LCORL: variants seen among roughly 807,000 people sequenced by gnomAD.
LCORL encodes the protein ligand dependent nuclear receptor corepressor like, also known as ligand-dependent nuclear receptor corepressor-like protein.
Under a neutral mutation model 141.8 loss-of-function variants are expected in LCORL, and 41 were observed. That is an observed-to-expected ratio of 0.29 (90% CI 0.23 to 0.38). The LOEUF is 0.38. LCORL is among the 10% of genes least tolerant of loss of function. The pLI, the probability that LCORL is intolerant of heterozygous loss-of-function variation, is 1.00. For missense variants in LCORL, 1,759 were observed against 2,035.0 expected, an observed-to-expected ratio of 0.86 and a Z score of 2.61; for synonymous variants, 618 against 694.1, an observed-to-expected ratio of 0.89 and a Z score of 1.72.
chr4:17,950,091 A>G (rs981634097), intron 4 of LCORL, among the ~76,000 whole-genome samples: 30 of 152,166 alleles, frequency 2.0e-4, no homozygotes, highest in Non-Finnish European at 3.4e-4. Context: ...TTTTAAGTGG[A>G]AAGTGTAAAG....
intron 1 of LCORL, among the ~76,000 whole-genome samples, chr4:17,986,061 G>A (rs1718909092): frequency 6.6e-6 from 1 of 152,154 alleles, no homozygotes; most frequent in South Asian, 2.1e-4. Flanking sequence ...TGAGAATATT[G>A]TTATTTAAGA....
At chr4:17,978,155 G>C (rs929838620) in intron 1 of LCORL, among the ~76,000 whole-genome samples, 3 of 152,050 alleles carry the variant, frequency 2.0e-5, no homozygotes, top group African/African-American at 7.2e-5. Context: ...ATTACGAATC[G>C]TATTTTTCTG....
chr4:17,988,802 T>C (rs889515356), intron 1 of LCORL, among the ~76,000 whole-genome samples: 4 of 152,096 alleles, frequency 2.6e-5, no homozygotes, highest in African/African-American at 9.7e-5. Context: ...CTGGCCCACA[T>C]GGCGAAACCC....
chr4:17,965,800 T>C (rs777195910), intron 2 of LCORL, among the ~76,000 whole-genome samples: 1 of 152,184 alleles, frequency 6.6e-6, no homozygotes, highest in Non-Finnish European at 1.5e-5. Context: ...AATTAAAGCA[T>C]GTGTGAAACA....
At chr4:17,943,759 T>C (rs1204031626) in intron 4 of LCORL, among the ~76,000 whole-genome samples, 1 of 152,196 alleles carries the variant, frequency 6.6e-6, no homozygotes, top group African/African-American at 2.4e-5. Context: ...ATATAAAGAA[T>C]ACAGAATCAT....
At chr4:17,906,417 A>G (rs970492784) in intron 5 of LCORL, among the ~76,000 whole-genome samples, 4 of 152,142 alleles carry the variant, frequency 2.6e-5, no homozygotes, top group African/African-American at 9.7e-5. Flanking sequence ...ACATTAAACT[A>G]AATAATTTCT....
intron 1 of LCORL, among the ~76,000 whole-genome samples, chr4:17,973,857 CCA>C (rs569360947): frequency 1.9e-4 from 29 of 152,046 alleles, no homozygotes; most frequent in South Asian, 1.5e-3. Flanking sequence ...AAAAAACTAG[CCA>C]CAGTTTTTCA....
At chr4:18,002,895 C>T (rs780729389) in intron 1 of LCORL, among the ~76,000 whole-genome samples, 37 of 152,130 alleles carry the variant, frequency 2.4e-4, no homozygotes, top group Non-Finnish European at 5.1e-4. Flanking sequence ...CAGAACTGCA[C>T]CAGTGAATTC....
At chr4:17,881,578 T>C (rs957889958) in intron 6 of LCORL, 1 of 978,470 alleles carries the variant, frequency 1.0e-6, no homozygotes, top group Non-Finnish European at 1.2e-6. Context: ...GTGAAGTCAA[T>C]AGCAAAATGA....
At chr4:17,845,721 CTA>C in exon 8 of LCORL, 1 of 1,604,026 alleles carries the variant, frequency 6.2e-7, no homozygotes, top group South Asian at 1.1e-5. Context: ...GAACTGCAAT[CTA>C]TTTCTCTTCG....
intron 7 of LCORL, among the ~76,000 whole-genome samples, chr4:17,849,440 C>T (rs201128331): frequency 0.12 from 17,619 of 152,204 alleles, 1,136 homozygotes; most frequent in South Asian, 0.24. Context: ...CTCTAGCAAA[C>T]TCCAACAGAC....
intron 5 of LCORL, among the ~76,000 whole-genome samples, chr4:17,892,755 G>A (rs1331271607): frequency 2.0e-5 from 3 of 152,144 alleles, no homozygotes; most frequent in Admixed American, 1.3e-4. Flanking sequence ...TAGACTTATT[G>A]TAATTCTTTT....
chr4:17,911,277 C>A (rs1298927846), intron 4 of LCORL, among the ~76,000 whole-genome samples: 2 of 150,990 alleles, frequency 1.3e-5, no homozygotes, highest in African/African-American at 4.9e-5. Context: ...ATTTAAATCA[C>A]CAAATGGCAA....
chr4:17,996,327 G>C (rs925246633), intron 1 of LCORL, among the ~76,000 whole-genome samples: 2 of 152,024 alleles, frequency 1.3e-5, no homozygotes, highest in Non-Finnish European at 2.9e-5. Flanking sequence ...ATAGAGAAAT[G>C]AAAGGACAAA....
intron 4 of LCORL, among the ~76,000 whole-genome samples, chr4:17,933,620 A>C (rs1506611): frequency 0.024 from 3,695 of 152,126 alleles, 149 homozygotes; most frequent in African/African-American, 0.085. Context: ...TCTTTTAACA[A>C]TATATAATTC....
chr4:17,942,506 GCAAA>G (rs1406609020), intron 4 of LCORL, among the ~76,000 whole-genome samples: 3 of 151,998 alleles, frequency 2.0e-5, no homozygotes, highest in African/African-American at 7.3e-5. Flanking sequence ...TAAGCAAAAT[GCAAA>G]CAAATTACTA....
chr4:17,899,540 C>G (rs1174700500), intron 5 of LCORL, among the ~76,000 whole-genome samples: 1 of 152,078 alleles, frequency 6.6e-6, no homozygotes, highest in Non-Finnish European at 1.5e-5. Context: ...CTTGGCAGAA[C>G]CTAGTAAGTC....
At chr4:17,936,360 GAAAAAAAAAAAA>G (rs10646952) in intron 4 of LCORL, among the ~76,000 whole-genome samples, 1 of 96,454 alleles carries the variant, frequency 1.0e-5, no homozygotes, top group Non-Finnish European at 2.3e-5. Context: ...GTCTCATAAT[GAAAAAAAAAAAA>G]AAAAAGAAAC....
chr4:17,890,379 TA>T (rs1728902707), intron 5 of LCORL, among the ~76,000 whole-genome samples: 1 of 152,066 alleles, frequency 6.6e-6, no homozygotes. Flanking sequence ...GATACATAAA[TA>T]GGTGGTATCA....
Sources: gnomAD v4.1 joint callset for allele counts (sites outside exome capture counted in the v4.1 genomes callset) on GRCh38, gnomAD v4.1.1 for gene constraint, MANE v1.5 for transcripts, NCBI Gene and HGNC (gene_info 2026-07-23, HGNC 2026-07-21) for gene names.